PHTF2: variants seen among roughly 807,000 people sequenced by gnomAD.
PHTF2 encodes the protein putative homeodomain transcription factor 2.
In PHTF2, 60 loss-of-function variants were observed where a neutral mutation model predicts 101.2. The ratio of observed to expected loss-of-function variants is 0.59; its 90% CI spans 0.48 to 0.73. The LOEUF (loss-of-function observed/expected upper bound fraction) is 0.73. PHTF2 is among the 30% of genes least tolerant of loss of function. PHTF2 has a pLI of 0.00. For synonymous variants in PHTF2, 311 were observed against 307.3 expected (o/e 1.01, Z -0.13); for missense variants, 747 against 908.7 (o/e 0.82, Z 2.29).
At chr7:77,950,435 T>G (rs539487961) in intron 17 of PHTF2, among the ~76,000 whole-genome samples, 1 of 151,918 alleles carries the variant, frequency 6.6e-6, no homozygotes, top group South Asian at 2.1e-4. Context: ...GTAAGGCAGG[T>G]GGATTACTTG....
chr7:77,897,982 T>G lies in PHTF2; in HGVS notation c.217-2729T>G, dbSNP rs1305931665. On this transcript the variant is annotated intron_variant, in intron 5 of 19. Coordinates refer to ENST00000416283, the Ensembl canonical transcript of PHTF2. Reference sequence around the variant, plus strand: ...CAGGCGTGAACCACCTTACCTGGCCTTCTGTTTTTTTTTTTTTTCTTTTTA... The same window carrying G: ...CAGGCGTGAACCACCTTACCTGGCCGTCTGTTTTTTTTTTTTTTCTTTTTA... Among the ~76,000 whole-genome samples, 3 of 149,292 alleles carry G rather than the reference T, an allele frequency of 2.0e-5. No homozygotes were observed. The East Asian group carries it at 5.8e-4, about 29-fold the overall frequency.
chr7:77,940,514 T>C lies in PHTF2; in HGVS notation c.1741-14T>C, dbSNP rs144495020. 6.6e-5 allele frequency: 104 copies of C among 1,579,776 alleles called. No individual in the cohort carries two copies. The East Asian group carries it at 2.0e-3, about 31-fold the overall frequency. On this transcript the variant is annotated splice_polypyrimidine_tract_variant and intron_variant, in intron 14 of 19. Coordinates refer to ENST00000416283, the Ensembl canonical transcript of PHTF2. ...ATCTACTTGAAAATTAATCCTCATC[T>C]TAATCTTTTTTAGCGATTACTTTTT...
At chr7:77,924,237 A>C in intron 11 of PHTF2, 1 of 554,728 alleles carries the variant, frequency 1.8e-6, no homozygotes, top group Non-Finnish European at 2.3e-6. Flanking sequence ...TATTTTATAA[A>C]TTACTGTACT....
At chr7:77,818,125 AC>A (rs1473424476) in intron 1 of PHTF2, among the ~76,000 whole-genome samples, 1 of 151,824 alleles carries the variant, frequency 6.6e-6, no homozygotes, top group African/African-American at 2.4e-5. Flanking sequence ...AAAAAAAAAA[AC>A]AACAGTTTGA....
chr7:77,927,199 T>TATATATATATATAC (rs1554388893), intron 11 of PHTF2, among the ~76,000 whole-genome samples: 7 of 108,562 alleles, frequency 6.4e-5, no homozygotes, highest in Admixed American at 1.1e-4. Flanking sequence ...TATATATACA[T>TATATATATATATAC]ACACACACAC....
chr7:77,867,757 A>G (rs1271604641), intron 3 of PHTF2, among the ~76,000 whole-genome samples: 5 of 152,130 alleles, frequency 3.3e-5, no homozygotes, highest in Non-Finnish European at 7.4e-5. Context: ...GAGAGCTTTC[A>G]TTTTTTTCTC....
chr7:77,917,320 A>G (rs543960284), intron 9 of PHTF2, among the ~76,000 whole-genome samples: 95 of 152,138 alleles, frequency 6.2e-4, no homozygotes, highest in Non-Finnish European at 1.1e-3. Context: ...AGAATCAACT[A>G]TTGTTTCAAG....
intron 3 of PHTF2, among the ~76,000 whole-genome samples, chr7:77,856,734 C>T (rs1797217026): frequency 6.6e-6 from 1 of 151,866 alleles, no homozygotes; most frequent in African/African-American, 2.4e-5. Flanking sequence ...CAACTATTTA[C>T]AGAACAGTTA....
At chr7:77,805,079 G>A (rs1383578650) in intron 1 of PHTF2, among the ~76,000 whole-genome samples, 4 of 152,136 alleles carry the variant, frequency 2.6e-5, no homozygotes, top group South Asian at 2.1e-4. Context: ...GATTTTAACT[G>A]CAAATTCAAT....
At chr7:77,829,951 A>G (rs1278099456) in intron 1 of PHTF2, among the ~76,000 whole-genome samples, 1 of 152,156 alleles carries the variant, frequency 6.6e-6, no homozygotes, top group Non-Finnish European at 1.5e-5. Context: ...ATGTTTGTTT[A>G]TGTGCATGTT....
intron 9 of PHTF2, among the ~76,000 whole-genome samples, chr7:77,915,979 CTGTG>C (rs34376513): frequency 0.016 from 2,390 of 147,902 alleles, 39 homozygotes; most frequent in African/African-American, 0.042. Flanking sequence ...ATTTGTGTGT[CTGTG>C]TGTGTGTGTG....
intron 1 of PHTF2, among the ~76,000 whole-genome samples, chr7:77,808,672 T>C (rs551928756): frequency 1.3e-5 from 2 of 152,302 alleles, no homozygotes; most frequent in African/African-American, 2.4e-5. Flanking sequence ...TCTCTCCTCT[T>C]TGGATACTTT....
At chr7:77,942,729 A>G (rs755110025) in exon 16 of PHTF2, 3 of 1,602,704 alleles carry the variant, frequency 1.9e-6, no homozygotes, top group Non-Finnish European at 2.6e-6. Context: ...CAGTTGATGT[A>G]ATAGTTTCAT....
At chr7:77,932,709 G>A (rs1195596882) in intron 12 of PHTF2, among the ~76,000 whole-genome samples, 1 of 151,630 alleles carries the variant, frequency 6.6e-6, no homozygotes, top group Non-Finnish European at 1.5e-5. Context: ...ACATTGTTGA[G>A]GGTCCAGCTG....
intron 1 of PHTF2, among the ~76,000 whole-genome samples, chr7:77,820,745 A>G (rs911349672): frequency 2.3e-4 from 35 of 152,322 alleles, no homozygotes; most frequent in African/African-American, 8.2e-4. Context: ...TAAATGGGGA[A>G]TTTAATCCGT....
intron 7 of PHTF2, 48 bp from the exon 7 acceptor site, chr7:77,908,745 G>T: frequency 1.7e-6 from 2 of 1,206,990 alleles, no homozygotes; most frequent in Non-Finnish European, 2.3e-6. Flanking sequence ...TTTTGAAGAG[G>T]TGACTATCAG....
chr7:77,824,291 C>A (rs1584404855), intron 1 of PHTF2, among the ~76,000 whole-genome samples: 1 of 148,280 alleles, frequency 6.7e-6, no homozygotes, highest in African/African-American at 2.5e-5. Flanking sequence ...GTAGTTGTAA[C>A]AAATTCACGG....
chr7:77,818,244 A>G (rs952650689), intron 1 of PHTF2, among the ~76,000 whole-genome samples: 7 of 151,970 alleles, frequency 4.6e-5, no homozygotes, highest in Admixed American at 2.6e-4. Flanking sequence ...TTCCTTTGCT[A>G]TGCAAAAGCT....
chr7:77,915,297 C>T lies in PHTF2; in HGVS notation c.776+4888C>T, dbSNP rs112014795. ...GCAGTGGTGCAATCTCGGCTCACTG[C>T]AACCTCCGCCTCCCGGGTTCAAGTG... is the stretch of plus-strand genomic sequence containing the variant. On this transcript the variant is annotated intron_variant, in intron 9 of 19. Transcript: ENST00000416283. 7.7e-3 allele frequency among the ~76,000 whole-genome samples: 1,174 copies of T among 151,928 alleles called. 18 individuals carry two copies. The highest frequency in any genetic ancestry group is 0.027 in the African/African-American group (1,137 of 41,400).
Sources: allele counts gnomAD v4.1 joint callset (sites outside exome capture counted in the v4.1 genomes callset), GRCh38; gene constraint gnomAD v4.1.1; transcripts MANE v1.5; gene names NCBI Gene and HGNC (gene_info 2026-07-23, HGNC 2026-07-21).